Variants in MAGOH observed in about 807,000 individuals in gnomAD.
MAGOH encodes the protein protein mago nashi homolog.
Under a neutral mutation model 20.9 loss-of-function variants are expected in MAGOH, and 3 were observed. The observed-to-expected ratio is 0.14, with a 90% CI of 0.07 to 0.37. The LOEUF (loss-of-function observed/expected upper bound fraction) is 0.37. Among genes scored for constraint, MAGOH ranks in the 10% least tolerant of loss-of-function variants. The pLI is 1.00. For synonymous variants in MAGOH, 51 were observed against 61.0 expected, an observed-to-expected ratio of 0.84 and a Z score of 0.76; for missense variants, 66 against 178.1, an observed-to-expected ratio of 0.37 and a Z score of 3.58.
chr1:53,232,901 G>A (rs1465358160), intron 3 of MAGOH, among the ~76,000 whole-genome samples: 1 of 152,212 alleles, frequency 6.6e-6, no homozygotes, highest in Non-Finnish European at 1.5e-5. Context: ...AGGAGTTTGA[G>A]ACTAGCCTGG....
intron 3 of MAGOH, among the ~76,000 whole-genome samples, chr1:53,229,364 A>G (rs954224629): frequency 1.4e-4 from 22 of 151,910 alleles, no homozygotes; most frequent in African/African-American, 5.3e-4. Flanking sequence ...ACGCCCGGCT[A>G]ATTTTTTTTG....
chr1:53,238,325 G>C (rs762452534), intron 1 of MAGOH, 36 bp downstream of exon 1: 9 of 1,606,610 alleles, frequency 5.6e-6, no homozygotes, highest in Middle Eastern at 1.7e-4. Flanking sequence ...CCCCAGGCCT[G>C]GTCCCCGCTC....
intron 3 of MAGOH, among the ~76,000 whole-genome samples, chr1:53,232,635 GAAGT>G (rs1645591580): frequency 1.3e-5 from 2 of 152,208 alleles, no homozygotes; most frequent in South Asian, 4.1e-4. Flanking sequence ...CAAAGGCCCT[GAAGT>G]AAGAACCACC....
intron 1 of MAGOH, among the ~76,000 whole-genome samples, chr1:53,236,839 G>T (rs1290213917): frequency 2.6e-5 from 4 of 151,990 alleles, no homozygotes; most frequent in Non-Finnish European, 4.4e-5. Flanking sequence ...TCACCACAGT[G>T]CCTCTGCCAA....
At chr1:53,235,502 A>G in intron 2 of MAGOH, 75 bp downstream of exon 2, 1 of 1,269,354 alleles carries the variant, frequency 7.9e-7, no homozygotes, top group African/African-American at 1.5e-5. Context: ...TACTACTAGA[A>G]ACAATAAAAA....
intron 3 of MAGOH, 42 bp from the exon 4 acceptor site, chr1:53,228,996 T>G: frequency 7.6e-7 from 1 of 1,318,630 alleles, no homozygotes; most frequent in Non-Finnish European, 1.1e-6. Context: ...AGAATTGGAT[T>G]ATTCATCAAG....
intron 3 of MAGOH, among the ~76,000 whole-genome samples, chr1:53,231,576 TA>T (rs1645586722): frequency 1.3e-5 from 2 of 152,218 alleles, no homozygotes; most frequent in South Asian, 4.1e-4. Context: ...CTTTTCCCAT[TA>T]ATGTGAAAGT....
At position 53,233,365 on chromosome 1, in the gene MAGOH, TTTTCC is replaced by T. The variant is rs561364572; in HGVS notation, c.258+172_258+176del. On this transcript the variant is annotated intron_variant, in intron 3 of 4. Coordinates refer to ENST00000371470, the MANE Select transcript of MAGOH (RefSeq NM_002370.4). Reference sequence around the variant, plus strand: ...TACATACACTGAATTATTTGTATGATTTTCCTTTCATTAGATTGTTGAAATAATTA... The same window carrying T: ...TACATACACTGAATTATTTGTATGATTTTCATTAGATTGTTGAAATAATTA... 1.6e-3 allele frequency: 849 copies of T among 516,562 alleles called. 3 individuals carry two copies. Among genetic ancestry groups the T allele is most frequent in the Admixed American group, 2.1e-3 (57 of 27,568 alleles). 32.0% of individuals were successfully genotyped at this position (516,562 alleles called of 1,614,324 possible).
Position 53,238,513 on chromosome 1 carries a change from G to C in MAGOH, c.-65C>G. 1 of 1,441,608 alleles carries C rather than the reference G, an allele frequency of 6.9e-7. No homozygotes were observed. The highest frequency in any genetic ancestry group is 9.8e-7 in the Non-Finnish European group (1 of 1,023,334). 89.3% of individuals were successfully genotyped at this position (1,441,608 alleles called of 1,614,324 possible). ...AGCCGCACTGCCGCCGTCTGCGCCC[G>C]ACACTGACGTTTGCGGCGGCGCGCG... On this transcript the variant is annotated 5_prime_UTR_variant, in exon 1 of 5. Transcript: ENST00000371470.
intron 3 of MAGOH, among the ~76,000 whole-genome samples, chr1:53,231,501 A>G (rs1369356964): frequency 6.6e-6 from 1 of 152,224 alleles, no homozygotes; most frequent in African/African-American, 2.4e-5. Flanking sequence ...TCTATGGCCT[A>G]ATTTTAAAAA....
chr1:53,232,323 A>T (rs1404297567), intron 3 of MAGOH, among the ~76,000 whole-genome samples: 11 of 152,208 alleles, frequency 7.2e-5, no homozygotes, highest in Admixed American at 7.2e-4. Flanking sequence ...TTTACTATAC[A>T]TGGGTACTAT....
At chr1:53,235,101 C>T (rs1215414095) in intron 2 of MAGOH, among the ~76,000 whole-genome samples, 1 of 152,182 alleles carries the variant, frequency 6.6e-6, no homozygotes, top group Non-Finnish European at 1.5e-5. Flanking sequence ...AACATGCATT[C>T]AATGATGTCA....
chr1:53,230,239 A>C (rs2100302902), intron 3 of MAGOH, among the ~76,000 whole-genome samples: 1 of 152,322 alleles, frequency 6.6e-6, no homozygotes, highest in East Asian at 1.9e-4. Context: ...TAATTCAATC[A>C]GAAAATCGAA....
At chr1:53,235,455 C>G (rs1645606217) in intron 2 of MAGOH, 122 bp downstream of exon 2, 2 of 805,210 alleles carry the variant, frequency 2.5e-6, no homozygotes, top group Non-Finnish European at 4.1e-6. Flanking sequence ...AAGCTGTCTA[C>G]AGACATGTGT....
At chr1:53,238,282 G>T (rs879928295) in intron 1 of MAGOH, 79 bp downstream of exon 1, 2 of 1,334,618 alleles carry the variant, frequency 1.5e-6, no homozygotes, top group Non-Finnish European at 2.2e-6. Context: ...GTTCCCCACA[G>T]ATTTCCGACC....
intron 3 of MAGOH, among the ~76,000 whole-genome samples, chr1:53,229,653 T>C (rs1028389340): frequency 6.6e-6 from 1 of 152,180 alleles, no homozygotes; most frequent in African/African-American, 2.4e-5. Context: ...GTGTGGTGAC[T>C]CATACCTGTA....
chr1:53,235,666 A>G, intron 1 of MAGOH, 31 bp from the exon 2 acceptor site: 1 of 1,573,698 alleles, frequency 6.4e-7, no homozygotes, highest in Non-Finnish European at 8.7e-7. Flanking sequence ...TTCAACGTAT[A>G]ATAAAAACAT....
chr1:53,227,704 A>AT (rs1645567185), intron 4 of MAGOH, among the ~76,000 whole-genome samples: 2 of 151,694 alleles, frequency 1.3e-5, no homozygotes, highest in South Asian at 4.2e-4. Flanking sequence ...CGCCTGGCTA[A>AT]TTTTTTGTAT....
intron 1 of MAGOH, among the ~76,000 whole-genome samples, chr1:53,236,284 C>G (rs1403279564): frequency 2.0e-5 from 3 of 152,246 alleles, no homozygotes; most frequent in Non-Finnish European, 4.4e-5. Flanking sequence ...TCTTCACATT[C>G]AGTTCACTGT....
Sources: allele counts gnomAD v4.1 joint callset (sites outside exome capture counted in the v4.1 genomes callset), GRCh38; gene constraint gnomAD v4.1.1; transcripts MANE v1.5; gene names NCBI Gene and HGNC (gene_info 2026-07-23, HGNC 2026-07-21).